MRAP2: variants seen among roughly 807,000 people sequenced by gnomAD.
The protein encoded by MRAP2 is melanocortin-2 receptor accessory protein 2.
In MRAP2, 20 loss-of-function variants were observed where a neutral mutation model predicts 17.4. That is an observed-to-expected ratio of 1.15 (90% CI 0.81 to 1.67). The LOEUF is 1.67. Ranked by LOEUF, MRAP2 falls within the 40% of genes most tolerant of loss-of-function variation. The pLI is 0.00. For synonymous variants in MRAP2, 96 were observed against 88.4 expected (o/e 1.09, Z -0.48); for missense variants, 238 against 240.0 (o/e 0.99, Z 0.05).
intron 2 of MRAP2, among the ~76,000 whole-genome samples, chr6:84,060,728 C>G (rs1341551824): frequency 6.6e-6 from 1 of 151,648 alleles, no homozygotes; most frequent in African/African-American, 2.4e-5. Context: ...CTCTGTCACC[C>G]AGGCTGCAGT....
the MRAP2 span, chr6:84,125,228 C>T: frequency 6.2e-7 from 1 of 1,613,498 alleles, no homozygotes; most frequent in Non-Finnish European, 8.5e-7. Flanking sequence ...CATTTTTCAA[C>T]TTCTTTGTTT....
At chr6:84,069,674 ATTC>A (rs2099495707) in intron 3 of MRAP2, among the ~76,000 whole-genome samples, 1 of 152,228 alleles carries the variant, frequency 6.6e-6, no homozygotes. Flanking sequence ...ATTGGTACCA[ATTC>A]TTCTTTGAAT....
the MRAP2 span, among the ~76,000 whole-genome samples, chr6:84,122,352 C>CAAAAAAAAA: frequency 3.6e-4 from 13 of 36,120 alleles, no homozygotes; most frequent in African/African-American, 4.6e-4. Context: ...ACAGCACATC[C>CAAAAAAAAA]AAAAAAAAAA....
intron 1 of MRAP2, chr6:84,035,301 A>T (rs1403848106): frequency 2.4e-6 from 1 of 418,260 alleles, no homozygotes; most frequent in Non-Finnish European, 3.2e-6. Flanking sequence ...TTTTTAAAAG[A>T]GGGAAACATT....
chr6:84,087,208 A>C (rs2099500699), intron 3 of MRAP2, among the ~76,000 whole-genome samples: 1 of 152,220 alleles, frequency 6.6e-6, no homozygotes, highest in African/African-American at 2.4e-5. Context: ...GACATCGATC[A>C]ACATATGTAA....
intron 1 of MRAP2, among the ~76,000 whole-genome samples, chr6:84,039,255 C>T (rs1473868411): frequency 1.3e-5 from 2 of 152,118 alleles, no homozygotes; most frequent in African/African-American, 2.4e-5. Flanking sequence ...TCCTAAAAGT[C>T]GTGACTTGTT....
At chr6:84,076,809 A>C (rs2099497744) in intron 3 of MRAP2, among the ~76,000 whole-genome samples, 1 of 152,234 alleles carries the variant, frequency 6.6e-6, no homozygotes, top group Admixed American at 6.5e-5. Context: ...CAGGTATTTC[A>C]TTTGTAAAAT....
At chr6:84,087,376 AG>A (rs1201462929) in intron 3 of MRAP2, among the ~76,000 whole-genome samples, 1 of 152,212 alleles carries the variant, frequency 6.6e-6, no homozygotes, top group Non-Finnish European at 1.5e-5. Context: ...CAGTGAGCAG[AG>A]GGGTGACTTT....
At chr6:84,063,971 G>C (rs2099493838) in intron 3 of MRAP2, among the ~76,000 whole-genome samples, 1 of 151,992 alleles carries the variant, frequency 6.6e-6, no homozygotes, top group South Asian at 2.1e-4. Flanking sequence ...CTTGAACCTG[G>C]GAGGTGGAGG....
chr6:84,133,611 G>T, the MRAP2 span, among the ~76,000 whole-genome samples: 1 of 152,248 alleles, frequency 6.6e-6, no homozygotes, highest in African/African-American at 2.4e-5. Flanking sequence ...GTTCAATCTC[G>T]GACTGCTGTG....
chr6:84,044,538 AGCTCT>A (rs1588623071), intron 1 of MRAP2, among the ~76,000 whole-genome samples: 2 of 152,176 alleles, frequency 1.3e-5, no homozygotes, highest in East Asian at 3.9e-4. Flanking sequence ...CCATAAGGGA[AGCTCT>A]GCTCCAGGCC....
At chr6:84,043,952 A>G (rs186274002) in intron 1 of MRAP2, among the ~76,000 whole-genome samples, 1 of 152,286 alleles carries the variant, frequency 6.6e-6, no homozygotes, top group Non-Finnish European at 1.5e-5. Flanking sequence ...ATGTAGTGGG[A>G]TAGATTAATG....
intron 3 of MRAP2, among the ~76,000 whole-genome samples, chr6:84,079,719 T>G (rs2099498490): frequency 6.6e-6 from 1 of 152,194 alleles, no homozygotes; most frequent in Non-Finnish European, 1.5e-5. Flanking sequence ...TAGTAAACTA[T>G]GTGTGTATTC....
chr6:84,085,305 C>T (rs1039921917), intron 3 of MRAP2, among the ~76,000 whole-genome samples: 2 of 152,100 alleles, frequency 1.3e-5, no homozygotes, highest in Non-Finnish European at 1.5e-5. Flanking sequence ...CCGCCCTTCT[C>T]GGCCTCCCAA....
At chr6:84,070,269 C>A (rs775677856) in intron 3 of MRAP2, among the ~76,000 whole-genome samples, 1 of 152,028 alleles carries the variant, frequency 6.6e-6, no homozygotes, top group Non-Finnish European at 1.5e-5. Context: ...TTTGCTGTAT[C>A]CCAGAAGTTT....
At chr6:84,097,690 CTAAA>C in the MRAP2 span, among the ~76,000 whole-genome samples, 1 of 152,064 alleles carries the variant, frequency 6.6e-6, no homozygotes, top group Non-Finnish European at 1.5e-5. Context: ...ACTCTAATGC[CTAAA>C]TAATCTGTGG....
At position 84,041,037 on chromosome 6, in the gene MRAP2, A is replaced by C. The variant is rs1483360160; in HGVS notation, c.-8+7154A>C. Among the ~76,000 whole-genome samples the C allele has an allele frequency of 2.6e-5, 4 of 152,142 alleles. No individual in the cohort carries two copies. The East Asian group carries it at 7.7e-4, about 29-fold the overall frequency. ...CCATGGCCTGGAGGCCTAGGAAGAA[A>C]AAATGGTTTTGTGGGCTGGGTTCAG... On this transcript the variant is annotated intron_variant, in intron 1 of 3. Transcript: ENST00000257776.
intron 1 of MRAP2, among the ~76,000 whole-genome samples, chr6:84,053,643 C>G (rs1193823859): frequency 6.6e-6 from 1 of 152,146 alleles, no homozygotes; most frequent in Non-Finnish European, 1.5e-5. Flanking sequence ...TCAAGATCAG[C>G]ATTTCTAATT....
intron 1 of MRAP2, among the ~76,000 whole-genome samples, chr6:84,039,404 T>A (rs1228781286): frequency 6.6e-6 from 1 of 152,200 alleles, no homozygotes; most frequent in Non-Finnish European, 1.5e-5. Flanking sequence ...GGGTACAAAG[T>A]GATTTTTTTG....
Sources: allele counts gnomAD v4.1 joint callset (sites outside exome capture counted in the v4.1 genomes callset), GRCh38; gene constraint gnomAD v4.1.1; transcripts MANE v1.5; gene names NCBI Gene and HGNC (gene_info 2026-07-23, HGNC 2026-07-21).